Variants in ABR observed in about 807,000 individuals in gnomAD.
The protein encoded by ABR is active breakpoint cluster region-related protein.
Under a neutral mutation model 107.2 loss-of-function variants are expected in ABR, and 35 were observed. That is an observed-to-expected ratio of 0.33 (90% confidence interval 0.25 to 0.43). The LOEUF (loss-of-function observed/expected upper bound fraction) is 0.43. ABR is among the 20% of genes least tolerant of loss of function. The pLI is 1.00. For synonymous variants in ABR, 498 were observed against 462.0 expected, an observed-to-expected ratio of 1.08 and a Z score of -1.00; for missense variants, 815 against 1,115.2, an observed-to-expected ratio of 0.73 and a Z score of 3.83.
At position 1,067,339 on chromosome 17, in the gene ABR, G is replaced by A. The variant is rs369292455; in HGVS notation, c.1017-97C>T. ...AACCACAGAACCACTGACAGGGGTT[G>A]ACTGAGAACTCGCCAGAAGCAAGAA... On this transcript the variant is annotated intron_variant, in intron 9 of 22. Coordinates refer to ENST00000302538, the MANE Select transcript of ABR (RefSeq NM_021962.5). 3.3e-6 allele frequency: 4 copies of A among 1,206,712 alleles called. No individual in the cohort carries two copies. The African/African-American group carries it at 6.2e-5, about 19-fold the overall frequency. 74.8% of individuals were successfully genotyped at this position (1,206,712 alleles called of 1,614,324 possible). A position where few individuals can be genotyped will look rare whatever the true frequency, so the allele number is the denominator to read the frequency against.
chr17:1,051,794 C>T lies in ABR; in HGVS notation c.1562-1160G>A, dbSNP rs1432645626. ...TCTCCATCAGAACAGCTTTCCTGGC[C>T]GGGCAAGGTGGCTCACGCCTGTAAA... On this transcript the variant is annotated intron_variant, in intron 14 of 22. Transcript: ENST00000302538. This position sits in a 1 kb window ranked among gnomAD's most constrained non-coding sequence, Gnocchi z 4.3. Among the ~76,000 whole-genome samples, 1 of 152,138 alleles carries T rather than the reference C, an allele frequency of 6.6e-6. No homozygotes were observed. The highest frequency in any genetic ancestry group is 1.5e-5 in the Non-Finnish European group (1 of 68,016).
chr17:1,075,391 C>T (rs1262824493), intron 6 of ABR, among the ~76,000 whole-genome samples: 7 of 152,258 alleles, frequency 4.6e-5, no homozygotes, highest in South Asian at 2.1e-4. Context: ...TGAACACGCA[C>T]GCCCTAGCCG....
intron 16 of ABR, among the ~76,000 whole-genome samples, chr17:1,030,854 T>C (rs1597449091): frequency 6.6e-6 from 1 of 152,364 alleles, no homozygotes; most frequent in South Asian, 2.1e-4. Context: ...GACAGTTGAT[T>C]TGATCTGCAG....
At chr17:1,192,138 GTTA>G (rs984955184), upstream of ABR, among the ~76,000 whole-genome samples, 1 of 151,490 alleles carries the variant, frequency 6.6e-6, no homozygotes, top group African/African-American at 2.4e-5. Flanking sequence ...GGCTAGAAAA[GTTA>G]TTATTATTAT....
chr17:1,163,393 T>G (rs571653064), intron 1 of ABR, among the ~76,000 whole-genome samples: 1 of 152,204 alleles, frequency 6.6e-6, no homozygotes, highest in Non-Finnish European at 1.5e-5. Context: ...AGCCAGGGGG[T>G]GGCACAAAAG....
At chr17:1,006,586 G>C (rs1264402653) in intron 22 of ABR, among the ~76,000 whole-genome samples, 1 of 152,188 alleles carries the variant, frequency 6.6e-6, no homozygotes, top group Non-Finnish European at 1.5e-5. Context: ...CCTGGTCTAG[G>C]CTCACATGTT....
intron 1 of ABR, among the ~76,000 whole-genome samples, chr17:1,168,928 GGTCAGGAGCT>G (rs2041609622): frequency 6.6e-6 from 1 of 152,238 alleles, no homozygotes; most frequent in Non-Finnish European, 1.5e-5. Context: ...GGGGAACGTG[GGTCAGGAGCT>G]GCCACGGGGT....
At chr17:1,132,487 T>C (rs967999887) in intron 1 of ABR, among the ~76,000 whole-genome samples, 2 of 150,680 alleles carry the variant, frequency 1.3e-5, no homozygotes, top group African/African-American at 4.9e-5. Context: ...CAAGCGATTC[T>C]CCCGTCTCAG....
At chr17:1,211,973 T>G (rs1236645587) in intron 1 of ABR, among the ~76,000 whole-genome samples, 1 of 151,492 alleles carries the variant, frequency 6.6e-6, no homozygotes, top group Non-Finnish European at 1.5e-5. Flanking sequence ...TCCCAGCTAC[T>G]CGGGAGGCTG....
At chr17:1,149,003 G>C (rs537451936) in intron 1 of ABR, among the ~76,000 whole-genome samples, 16 of 150,458 alleles carry the variant, frequency 1.1e-4, no homozygotes, top group Non-Finnish European at 1.9e-4. Flanking sequence ...CTGGGTTCAC[G>C]CCATTCTCCT....
chr17:1,147,522 A>C (rs2040605559), intron 1 of ABR, among the ~76,000 whole-genome samples: 1 of 151,878 alleles, frequency 6.6e-6, no homozygotes, highest in South Asian at 2.1e-4. Context: ...TACCACACTC[A>C]GCTAATTTTT....
chr17:1,117,205 T>C (rs1297723370), intron 2 of ABR, among the ~76,000 whole-genome samples: 2 of 7,046 alleles, frequency 2.8e-4, no homozygotes, highest in Admixed American at 1.2e-3. Context: ...CCTGAGTTCC[T>C]CCCAGCGTTA....
intron 16 of ABR, among the ~76,000 whole-genome samples, chr17:1,022,174 G>C (rs1282125664): frequency 6.6e-6 from 1 of 151,770 alleles, no homozygotes; most frequent in Non-Finnish European, 1.5e-5. Flanking sequence ...CCCGGACAGG[G>C]AACCACGTGG....
At chr17:1,135,377 C>CTTTTTTTTTTTTTT (rs71148437) in intron 1 of ABR, among the ~76,000 whole-genome samples, 4 of 51,376 alleles carry the variant, frequency 7.8e-5, no homozygotes, top group African/African-American at 1.3e-4. Flanking sequence ...TTCTTTTTGT[C>CTTTTTTTTTTTTTT]TTTTTTTTTT....
intron 1 of ABR, among the ~76,000 whole-genome samples, chr17:1,126,875 C>T (rs919425769): frequency 2.0e-5 from 3 of 152,220 alleles, no homozygotes; most frequent in Non-Finnish European, 4.4e-5. Flanking sequence ...GTGCGTGGAG[C>T]GAATGAATGA....
At chr17:1,055,030 G>C (rs1027027008) in intron 14 of ABR, among the ~76,000 whole-genome samples, 1 of 152,086 alleles carries the variant, frequency 6.6e-6, no homozygotes, top group Non-Finnish European at 1.5e-5. Flanking sequence ...GAAACTATTA[G>C]CTGTCTAACT....
chr17:1,204,143 G>A (rs2042742995), intron 1 of ABR, among the ~76,000 whole-genome samples: 1 of 152,164 alleles, frequency 6.6e-6, no homozygotes, highest in Admixed American at 6.5e-5. Flanking sequence ...CCCCAGCGGG[G>A]CATTTAAAGA....
In ABR at chr17:1,073,682, C is replaced by A; in HGVS notation, c.701-5G>T. The A allele has an allele frequency of 6.2e-7, 1 of 1,602,750 alleles. No individual in the cohort carries two copies. The highest frequency in any genetic ancestry group is 8.5e-7 in the Non-Finnish European group (1 of 1,173,166). On this transcript the variant is annotated splice_polypyrimidine_tract_variant and splice_region_variant and intron_variant, in intron 6 of 22. Coordinates refer to ENST00000302538, the MANE Select transcript of ABR (RefSeq NM_021962.5). Reference sequence around the variant, plus strand: ...CAATGGGCTTGTAGAGCAGAGCTGTCGGGGGAGACAGGGAGAAGGAGGAAG... The same window carrying A: ...CAATGGGCTTGTAGAGCAGAGCTGTAGGGGGAGACAGGGAGAAGGAGGAAG...
intron 2 of ABR, among the ~76,000 whole-genome samples, chr17:1,107,120 C>T (rs915372509): frequency 6.6e-6 from 1 of 152,248 alleles, no homozygotes; most frequent in African/African-American, 2.4e-5. Context: ...CCCCGGCATT[C>T]GAGAAAGGTC....
Sources: gnomAD v4.1 joint callset for allele counts (sites outside exome capture counted in the v4.1 genomes callset) on GRCh38, gnomAD v4.1.1 for gene constraint, Gnocchi (gnomAD v3.1) non-coding constraint, MANE v1.5 for transcripts, NCBI Gene and HGNC (gene_info 2026-07-23, HGNC 2026-07-21) for gene names.